The following KCNT2 variants were observed in gnomAD, a reference collection of about 807,000 sequenced individuals.
KCNT2 encodes potassium channel subfamily T member 2.
A neutral mutation model predicts 153.8 loss-of-function variants in KCNT2; 67 were observed. The observed-to-expected ratio is 0.44, with a 90% confidence interval of 0.36 to 0.53. KCNT2 has a LOEUF of 0.53. Among genes scored for constraint, KCNT2 ranks in the 20% least tolerant of loss-of-function variants. The pLI is 0.00. For synonymous variants in KCNT2, 500 were observed against 458.8 expected, an observed-to-expected ratio of 1.09 and a Z score of -1.15; for missense variants, 975 against 1,354.8, an observed-to-expected ratio of 0.72 and a Z score of 4.40.
intron 1 of KCNT2, among the ~76,000 whole-genome samples, chr1:196,581,293 T>C (rs546076447): frequency 1.3e-5 from 2 of 152,210 alleles, no homozygotes; most frequent in African/African-American, 4.8e-5. Flanking sequence ...GTAGGAAATA[T>C]TTATTCTTAG....
At chr1:196,447,782 A>G (rs1466948050) in intron 8 of KCNT2, among the ~76,000 whole-genome samples, 1 of 146,254 alleles carries the variant, frequency 6.8e-6, no homozygotes, top group Non-Finnish European at 1.5e-5. Context: ...CTGGAAAGAC[A>G]GAAGAATTAA....
chr1:196,507,194 A>G (rs1472736157), intron 1 of KCNT2, among the ~76,000 whole-genome samples: 1 of 152,148 alleles, frequency 6.6e-6, no homozygotes, highest in Non-Finnish European at 1.5e-5. Context: ...CCATCTCAAT[A>G]CAATTTCCCT....
chr1:196,427,208 A>G (rs1673734983), intron 10 of KCNT2, among the ~76,000 whole-genome samples: 1 of 152,040 alleles, frequency 6.6e-6, no homozygotes, highest in Non-Finnish European at 1.5e-5. Context: ...AAACAAAAGA[A>G]TAAGAACCAA....
At chr1:196,465,075 G>T (rs748689905) in intron 8 of KCNT2, among the ~76,000 whole-genome samples, 35 of 152,116 alleles carry the variant, frequency 2.3e-4, no homozygotes, top group Admixed American at 3.9e-4. Context: ...CAGAGTTGCA[G>T]TATATATCAA....
chr1:196,400,491 G>A (rs1671318138), intron 12 of KCNT2, among the ~76,000 whole-genome samples: 1 of 151,666 alleles, frequency 6.6e-6, no homozygotes, highest in South Asian at 2.1e-4. Context: ...GGATTTCTAA[G>A]GTGAAATAGA....
chr1:196,375,855 T>C (rs533919307), intron 13 of KCNT2, among the ~76,000 whole-genome samples: 24 of 152,024 alleles, frequency 1.6e-4, no homozygotes, highest in Non-Finnish European at 3.1e-4. Flanking sequence ...AATTCAGTAC[T>C]CTTTTCATTA....
intron 1 of KCNT2, among the ~76,000 whole-genome samples, chr1:196,551,197 A>G (rs1657850247): frequency 1.3e-5 from 2 of 151,854 alleles, no homozygotes; most frequent in Non-Finnish European, 2.9e-5. Flanking sequence ...ATCATTAAAT[A>G]TGTCTTAAAT....
intron 13 of KCNT2, among the ~76,000 whole-genome samples, chr1:196,395,151 G>A (rs1230860717): frequency 2.7e-5 from 4 of 150,744 alleles, no homozygotes. Context: ...TATATTACTC[G>A]GTTTGTTTTC....
chr1:196,311,844 C>T (rs1662214743), intron 21 of KCNT2, among the ~76,000 whole-genome samples: 1 of 151,716 alleles, frequency 6.6e-6, no homozygotes, highest in South Asian at 2.1e-4. Context: ...CAGTGACATG[C>T]CAAACAGCCA....
At position 196,398,612 on chromosome 1, in the gene KCNT2, C is replaced by T; in HGVS notation, c.1245G>A (p.Leu415=). 1 of 1,608,882 alleles carries T rather than the reference C, an allele frequency of 6.2e-7. No individual in the cohort carries two copies. The highest frequency in any genetic ancestry group is 8.5e-7 in the Non-Finnish European group (1 of 1,176,636). The change falls in exon 13 of 28, where the codon TTG becomes TTA. Residue 415 remains leucine, a synonymous_variant. Coordinates refer to ENST00000294725, the MANE Select transcript of KCNT2 (RefSeq NM_198503.5). ...TTTCAGGCTTTAATATCTGGACATA[C>T]AAAGGACAATTTGGAGCAAAATCTT... The part of the protein sequence containing the change: ...AVKDFAPNCP[L]YVQILKPENK...
chr1:196,257,632 T>A, intron 26 of KCNT2: 7 of 947,220 alleles, frequency 7.4e-6, no homozygotes, highest in Non-Finnish European at 8.8e-6. Context: ...CTATAGTGTC[T>A]ATATGGCAAT....
chr1:196,338,939 G>A (rs907123920), intron 16 of KCNT2, among the ~76,000 whole-genome samples: 5 of 99,598 alleles, frequency 5.0e-5, no homozygotes, highest in African/African-American at 2.4e-4. Flanking sequence ...GGTGTCATCT[G>A]CTTTTTAGCA....
chr1:196,338,146 T>C (rs1183257555), intron 16 of KCNT2, among the ~76,000 whole-genome samples: 1 of 152,074 alleles, frequency 6.6e-6, no homozygotes, highest in African/African-American at 2.4e-5. Context: ...GAATAGTGTT[T>C]GGAGGGAGTG....
At chr1:196,579,408 T>C (rs139089907) in intron 1 of KCNT2, among the ~76,000 whole-genome samples, 1 of 152,128 alleles carries the variant, frequency 6.6e-6, no homozygotes, top group African/African-American at 2.4e-5. Context: ...AAATAATCTG[T>C]ATGGCAAACT....
intron 8 of KCNT2, among the ~76,000 whole-genome samples, chr1:196,459,029 G>A (rs1431944028): frequency 2.6e-5 from 4 of 151,664 alleles, no homozygotes; most frequent in African/African-American, 7.2e-5. Context: ...TTCATTTCCC[G>A]TAGATTGTAT....
At chr1:196,537,108 G>T (rs1655689296) in intron 1 of KCNT2, among the ~76,000 whole-genome samples, 1 of 152,176 alleles carries the variant, frequency 6.6e-6, no homozygotes, top group Admixed American at 6.5e-5. Flanking sequence ...CATAGGGGTT[G>T]TGCCTGCTGA....
At chr1:196,479,142 T>C in intron 5 of KCNT2, 37 bp downstream of exon 5, 1 of 1,260,484 alleles carries the variant, frequency 7.9e-7, no homozygotes, top group Non-Finnish European at 1.2e-6. Context: ...TACAGATGTG[T>C]TCTATCAGCG....
chr1:196,371,462 T>C (rs193183563), intron 14 of KCNT2, among the ~76,000 whole-genome samples: 3 of 152,118 alleles, frequency 2.0e-5, no homozygotes, highest in East Asian at 1.9e-4. Context: ...TTTTAACATA[T>C]TGAATTGTAC....
intron 14 of KCNT2, among the ~76,000 whole-genome samples, chr1:196,353,317 G>A (rs886265494): frequency 3.9e-5 from 6 of 151,960 alleles, no homozygotes; most frequent in African/African-American, 1.4e-4. Flanking sequence ...ACTGGGCTGG[G>A]GGTGGATGCA....
Sources: allele counts gnomAD v4.1 joint callset (sites outside exome capture counted in the v4.1 genomes callset), GRCh38; gene constraint gnomAD v4.1.1; transcripts MANE v1.5; gene names NCBI Gene and HGNC (gene_info 2026-07-23, HGNC 2026-07-21).